NUP210L: variants seen among roughly 807,000 people sequenced by gnomAD.
NUP210L encodes nuclear pore membrane glycoprotein 210-like.
Under a neutral mutation model 208.5 loss-of-function variants are expected in NUP210L, and 74 were observed. The ratio of observed to expected loss-of-function variants is 0.35; its 90% CI spans 0.29 to 0.43. The LOEUF (loss-of-function observed/expected upper bound fraction) is 0.43. Ranked by LOEUF, NUP210L falls within the 20% of genes least tolerant of loss-of-function variation. The pLI is 1.00. For synonymous variants in NUP210L, 780 were observed against 816.9 expected (o/e 0.95, Z 0.77); for missense variants, 1,843 against 2,289.4 (o/e 0.81, Z 3.98).
chr1:154,018,302 A>T (rs1034414380), intron 33 of NUP210L, among the ~76,000 whole-genome samples: 13 of 151,936 alleles, frequency 8.6e-5, no homozygotes, highest in Non-Finnish European at 1.8e-4. Flanking sequence ...TTCTTTGGTG[A>T]TCTAATGGCC....
intron 16 of NUP210L, among the ~76,000 whole-genome samples, chr1:154,074,461 A>G (rs964191240): frequency 6.7e-6 from 1 of 148,304 alleles, no homozygotes; most frequent in Non-Finnish European, 1.5e-5. Context: ...TTTCTCTTGT[A>G]ACCTTGAGCA....
chr1:154,028,349 G>A (rs912554537), intron 28 of NUP210L, among the ~76,000 whole-genome samples: 6 of 152,212 alleles, frequency 3.9e-5, no homozygotes, highest in Non-Finnish European at 7.3e-5. Flanking sequence ...CACTTTGGGA[G>A]ACCAAGACGG....
At chr1:154,082,974 T>C (rs1008154321) in intron 16 of NUP210L, among the ~76,000 whole-genome samples, 2 of 152,192 alleles carry the variant, frequency 1.3e-5, no homozygotes, top group African/African-American at 4.8e-5. Flanking sequence ...GGTGGGTTTG[T>C]GGTCTCGCTG....
chr1:154,019,007 C>T, exon 33 of NUP210L: 4 of 1,614,098 alleles, frequency 2.5e-6, no homozygotes, highest in Non-Finnish European at 3.4e-6. Context: ...GCCACTCCTA[C>T]TCCAGTGACA....
At chr1:154,126,763 C>T (rs142239925) in intron 9 of NUP210L, among the ~76,000 whole-genome samples, 181 of 151,908 alleles carry the variant, frequency 1.2e-3, no homozygotes, top group Middle Eastern at 3.4e-3. Flanking sequence ...GAAATAAGGA[C>T]CCTAGAGAGT....
rs1168122122 is a variant in NUP210L, at chr1:154,054,360, G to A, written c.3351C>T (p.Ser1117=). The A allele has an allele frequency of 2.5e-6, 4 of 1,613,992 alleles. No individual in the cohort carries two copies. In the South Asian group the frequency reaches 4.4e-5, roughly 18 times the overall value. ...CAACAGCCACGGTCTGATTACTGAT[G>A]GAGAAGTGAACGATGGATTGGGGCT... Residue 1117 remains serine, a synonymous_variant, in exon 25 of 40, where the codon TCC becomes TCT. Transcript: ENST00000368559.
intron 10 of NUP210L, among the ~76,000 whole-genome samples, chr1:154,120,368 A>T (rs915956322): frequency 2.6e-5 from 4 of 152,150 alleles, no homozygotes; most frequent in Admixed American, 2.6e-4. Context: ...TCAGCAAACT[A>T]TCACAAGGAC....
intron 10 of NUP210L, among the ~76,000 whole-genome samples, chr1:154,121,235 G>T (rs1409305570): frequency 6.6e-6 from 1 of 152,172 alleles, no homozygotes; most frequent in Non-Finnish European, 1.5e-5. Context: ...CTTGACTGGA[G>T]TGTGTCTACA....
exon 37 of NUP210L, chr1:154,001,037 T>C (rs1158655811): frequency 6.2e-7 from 1 of 1,614,068 alleles, no homozygotes; most frequent in East Asian, 2.2e-5. Flanking sequence ...CAGCGACCAC[T>C]AGAACTGGGG....
exon 23 of NUP210L, chr1:154,056,927 T>C: frequency 6.2e-7 from 1 of 1,609,192 alleles, no homozygotes; most frequent in African/African-American, 1.3e-5. Flanking sequence ...TTCAGAGTAT[T>C]CGTCCTGTTG....
At chr1:154,134,891 C>T (rs1340034372) in intron 7 of NUP210L, among the ~76,000 whole-genome samples, 2 of 151,720 alleles carry the variant, frequency 1.3e-5, no homozygotes, top group East Asian at 3.9e-4. Context: ...GCATGCACCA[C>T]CACGCCCGGC....
intron 17 of NUP210L, among the ~76,000 whole-genome samples, chr1:154,069,214 A>C (rs1472766206): frequency 6.6e-6 from 1 of 152,206 alleles, no homozygotes; most frequent in Non-Finnish European, 1.5e-5. Context: ...ATTAAACTAA[A>C]GAGCTTTTGC....
intron 12 of NUP210L, among the ~76,000 whole-genome samples, chr1:154,111,681 A>G (rs1657044437): frequency 6.6e-6 from 1 of 151,622 alleles, no homozygotes; most frequent in East Asian, 1.9e-4. Context: ...GACTTGATGG[A>G]TTCATGGCTA....
At chr1:154,012,359 A>C in exon 34 of NUP210L, 2 of 1,612,970 alleles carry the variant, frequency 1.2e-6, no homozygotes, top group Non-Finnish European at 1.7e-6. Flanking sequence ...TTGATGATGC[A>C]TTGACCACCA....
intron 3 of NUP210L, 59 bp from the exon 4 acceptor site, chr1:154,141,583 T>C (rs1658855959): frequency 9.6e-7 from 1 of 1,037,076 alleles, no homozygotes; most frequent in African/African-American, 1.6e-5. Context: ...TATTCAGGTA[T>C]TTACAACAAG....
At chr1:154,070,662 T>C (rs568594497) in intron 16 of NUP210L, among the ~76,000 whole-genome samples, 197 bp from the exon 17 acceptor site, 33 of 152,172 alleles carry the variant, frequency 2.2e-4, no homozygotes, top group Non-Finnish European at 4.0e-4. Context: ...CAGTTCTTAA[T>C]ATTTAGTTAC....
At chr1:154,002,546 T>C (rs1315534257) in intron 35 of NUP210L, among the ~76,000 whole-genome samples, 1 of 152,008 alleles carries the variant, frequency 6.6e-6, no homozygotes, top group South Asian at 2.1e-4. Context: ...GGCAGGGAAA[T>C]TGCTTGAGAT....
chr1:154,155,084 G>A lies in NUP210L; in HGVS notation c.-40C>T, dbSNP rs370904685. ...CTCGGGTTCCCGCTCAACTACAGCC[G>A]GCTCACAGCTCCATCAGCCAATCCA... On this transcript the variant is annotated 5_prime_UTR_variant, in exon 1 of 40. Transcript: ENST00000368559. 1.4e-6 allele frequency: 2 copies of A among 1,447,214 alleles called. No individual in the cohort carries two copies. Among genetic ancestry groups the A allele is most frequent in the African/African-American group, 1.4e-5 (1 of 70,952 alleles). The allele number at this position is 1,447,214 out of a possible 1,614,324, so 89.6% of individuals were successfully genotyped here.
chr1:154,057,363 T>C (rs1653922982), intron 22 of NUP210L, among the ~76,000 whole-genome samples: 1 of 152,032 alleles, frequency 6.6e-6, no homozygotes, highest in Admixed American at 6.6e-5. Context: ...TAGGGGGAAT[T>C]GCAAGAAAAT....
Sources: gnomAD v4.1 joint callset for allele counts (sites outside exome capture counted in the v4.1 genomes callset) on GRCh38, gnomAD v4.1.1 for gene constraint, MANE v1.5 for transcripts, NCBI Gene and HGNC (gene_info 2026-07-23, HGNC 2026-07-21) for gene names.